PTPRD: variants seen among roughly 807,000 people sequenced by gnomAD.
PTPRD encodes the protein protein tyrosine phosphatase receptor type D.
In PTPRD, 34 loss-of-function variants were observed where a neutral mutation model predicts 214.5. That is an observed-to-expected ratio of 0.16 (90% CI 0.12 to 0.21). The LOEUF is 0.21. Among genes scored for constraint, PTPRD ranks in the 10% least tolerant of loss-of-function variants. The pLI is 1.00. For synonymous variants in PTPRD, 1,128 were observed against 845.7 expected (o/e 1.33, Z -5.79); for missense variants, 2,545 against 2,398.7 (o/e 1.06, Z -1.27).
chr9:10,412,629 C>T (rs2098448066), intron 2 of PTPRD, among the ~76,000 whole-genome samples: 1 of 37,888 alleles, frequency 2.6e-5, no homozygotes. Flanking sequence ...CACACACACA[C>T]ACAAACACAC....
chr9:10,450,047 C>A (rs2098829793), intron 2 of PTPRD, among the ~76,000 whole-genome samples: 1 of 151,552 alleles, frequency 6.6e-6, no homozygotes, highest in Admixed American at 6.6e-5. Flanking sequence ...AGGCAGCATG[C>A]TCCTTAAGAG....
At chr9:8,940,981 A>T (rs1367094817) in intron 11 of PTPRD, among the ~76,000 whole-genome samples, 1 of 152,132 alleles carries the variant, frequency 6.6e-6, no homozygotes, top group East Asian at 1.9e-4. Flanking sequence ...ATGCTTATAG[A>T]CTAAAGGCAT....
At chr9:9,479,499 C>T (rs115678440) in intron 8 of PTPRD, among the ~76,000 whole-genome samples, 1 of 152,194 alleles carries the variant, frequency 6.6e-6, no homozygotes, top group African/African-American at 2.4e-5. Context: ...TCCCTGACAT[C>T]ATTACAAGGT....
chr9:8,711,229 A>C (rs1171441088), intron 12 of PTPRD, among the ~76,000 whole-genome samples: 1 of 151,630 alleles, frequency 6.6e-6, no homozygotes, highest in East Asian at 1.9e-4. Context: ...GTAATTAAGG[A>C]AGCTCATTTA....
chr9:10,334,069 A>G (rs1427978171), intron 3 of PTPRD, among the ~76,000 whole-genome samples: 1 of 151,788 alleles, frequency 6.6e-6, no homozygotes, highest in Non-Finnish European at 1.5e-5. Context: ...TGGTTAGTAT[A>G]TAAAATATTA....
At chr9:9,997,619 GAA>G (rs1008115147) in intron 4 of PTPRD, among the ~76,000 whole-genome samples, 12 of 152,130 alleles carry the variant, frequency 7.9e-5, no homozygotes, top group African/African-American at 2.9e-4. Flanking sequence ...GAATTATTAA[GAA>G]ATAATTTTAG....
At chr9:9,756,001 G>C (rs1012950157) in intron 6 of PTPRD, among the ~76,000 whole-genome samples, 1 of 151,842 alleles carries the variant, frequency 6.6e-6, no homozygotes, top group African/African-American at 2.4e-5. Context: ...GGTTAGAGCT[G>C]CTGTCAGCTG....
intron 5 of PTPRD, among the ~76,000 whole-genome samples, chr9:9,928,054 T>A (rs2084970238): frequency 6.6e-6 from 1 of 152,186 alleles, no homozygotes; most frequent in Non-Finnish European, 1.5e-5. Flanking sequence ...CAACGTTTCA[T>A]CTTCTGATCA....
intron 2 of PTPRD, among the ~76,000 whole-genome samples, chr9:10,499,874 A>G (rs1255056963): frequency 6.6e-6 from 1 of 151,862 alleles, no homozygotes; most frequent in African/African-American, 2.4e-5. Flanking sequence ...GGTTATAGAT[A>G]TATCTTTTTA....
chr9:9,694,867 C>T (rs1184074595), intron 7 of PTPRD, among the ~76,000 whole-genome samples: 2 of 152,086 alleles, frequency 1.3e-5, no homozygotes, highest in Non-Finnish European at 2.9e-5. Context: ...CCCTGGGGTG[C>T]CCTTTGACCT....
chr9:9,240,830 C>G (rs140299525), intron 9 of PTPRD, among the ~76,000 whole-genome samples: 1 of 152,056 alleles, frequency 6.6e-6, no homozygotes, highest in African/African-American at 2.4e-5. Flanking sequence ...TTATCAATTT[C>G]GCTCATCAGG....
At chr9:8,617,863 G>GCACAGAACA (rs2095663832) in intron 14 of PTPRD, among the ~76,000 whole-genome samples, 2 of 152,018 alleles carry the variant, frequency 1.3e-5, no homozygotes, top group Admixed American at 6.6e-5. Flanking sequence ...GGCAATTTCA[G>GCACAGAACA]CACAGAACAT....
At chr9:9,152,683 T>A (rs1329895860) in intron 10 of PTPRD, among the ~76,000 whole-genome samples, 1 of 152,182 alleles carries the variant, frequency 6.6e-6, no homozygotes, top group Non-Finnish European at 1.5e-5. Flanking sequence ...TAGAGGCTAG[T>A]CCAAAAGAGG....
chr9:8,726,815 A>G (rs966089695), intron 12 of PTPRD, among the ~76,000 whole-genome samples: 2 of 147,672 alleles, frequency 1.4e-5, no homozygotes, highest in African/African-American at 5.0e-5. Flanking sequence ...AAAAAAAAAA[A>G]AAAAGATTAG....
chr9:10,509,197 C>T (rs1246503190), intron 2 of PTPRD, among the ~76,000 whole-genome samples: 2 of 152,066 alleles, frequency 1.3e-5, no homozygotes, highest in Admixed American at 1.3e-4. Context: ...CCTGCAACTC[C>T]ATATTAAAAA....
At chr9:9,331,115 AG>A (rs2136548274) in intron 9 of PTPRD, among the ~76,000 whole-genome samples, 1 of 152,180 alleles carries the variant, frequency 6.6e-6, no homozygotes, top group Admixed American at 6.6e-5. Context: ...GACAGTTTCA[AG>A]GACTAGCTAT....
chr9:10,192,658 T>C (rs1345937639), intron 3 of PTPRD, among the ~76,000 whole-genome samples: 1 of 152,088 alleles, frequency 6.6e-6, no homozygotes, highest in African/African-American at 2.4e-5. Context: ...GAACCTGGTC[T>C]TTTATATCCC....
intron 7 of PTPRD, among the ~76,000 whole-genome samples, chr9:9,651,563 G>A (rs1204515916): frequency 6.6e-6 from 1 of 152,068 alleles, no homozygotes; most frequent in Non-Finnish European, 1.5e-5. Flanking sequence ...GTCCTGCAAA[G>A]GACATGATTG....
intron 5 of PTPRD, among the ~76,000 whole-genome samples, chr9:9,784,879 C>T (rs990656823): frequency 1.1e-4 from 16 of 149,788 alleles, no homozygotes; most frequent in Admixed American, 6.7e-4. Flanking sequence ...CACACACACA[C>T]GCACACACCT....
Sources: allele counts gnomAD v4.1 joint callset (sites outside exome capture counted in the v4.1 genomes callset), GRCh38; gene constraint gnomAD v4.1.1; transcripts MANE v1.5; gene names NCBI Gene and HGNC (gene_info 2026-07-23, HGNC 2026-07-21).